ANKRD30B: variants seen among roughly 807,000 people sequenced by gnomAD.
ANKRD30B encodes the protein ankyrin repeat domain 30B.
A neutral mutation model predicts 202.2 loss-of-function variants in ANKRD30B; 144 were observed. The observed-to-expected ratio is 0.71, with a 90% confidence interval of 0.62 to 0.82. The LOEUF (loss-of-function observed/expected upper bound fraction) is 0.82, where lower values mean the gene tolerates loss of function less well. Ranked by LOEUF, ANKRD30B falls within the 40% of genes least tolerant of loss-of-function variation. The probability of loss-of-function intolerance (pLI) is 0.00; values close to 1 mark genes in which losing one functional copy is unlikely to be tolerated. For synonymous variants in ANKRD30B, 508 were observed against 561.3 expected (o/e 0.91, Z 1.34); for missense variants, 1,487 against 1,669.1 (o/e 0.89, Z 1.90).
chr18:14,767,441 T>C (rs1200560455), intron 7 of ANKRD30B, among the ~76,000 whole-genome samples: 1 of 152,198 alleles, frequency 6.6e-6, no homozygotes, highest in Non-Finnish European at 1.5e-5. Context: ...TAATAATACA[T>C]TGTAATCAAA....
the ANKRD30B span, among the ~76,000 whole-genome samples, chr18:14,911,382 T>A: frequency 6.6e-6 from 1 of 152,166 alleles, no homozygotes; most frequent in African/African-American, 2.4e-5. Flanking sequence ...GAATACAGTG[T>A]CTTTTCTCCA....
intron 16 of ANKRD30B, among the ~76,000 whole-genome samples, chr18:14,795,233 G>C (rs1468315779): frequency 4.6e-5 from 7 of 152,208 alleles, no homozygotes; most frequent in African/African-American, 1.7e-4. Context: ...GTCTCGCTCT[G>C]TCATCCAGGC....
rs538617286 is a variant in ANKRD30B at position 14,797,891 on chromosome 18, G to A, written c.2029+37G>A. 2.1e-5 allele frequency: 31 copies of A among 1,504,208 alleles called. 1 individual carries two copies. In the South Asian group the frequency reaches 3.6e-4, roughly 18 times the overall value. 93.2% of individuals were successfully genotyped at this position (1,504,208 alleles called of 1,614,324 possible). The stretch of plus-strand genomic sequence containing the variant: ...AATTTAAATTTTAATCTGGAATTAA[G>A]AATATTAAACTATTTGAAATGCCAA... On this transcript the variant is annotated intron_variant, in intron 20 of 43. Transcript: ENST00000690538.
At chr18:14,915,661 T>A in the ANKRD30B span, 1 of 151,860 alleles carries the variant, frequency 6.6e-6, no homozygotes, top group East Asian at 1.9e-4. Context: ...AAGGGTCAAG[T>A]CACTCCTGAG....
the ANKRD30B span, among the ~76,000 whole-genome samples, chr18:14,899,527 G>T: frequency 6.6e-6 from 1 of 151,982 alleles, no homozygotes; most frequent in Non-Finnish European, 1.5e-5. Flanking sequence ...TCTTCTATTT[G>T]CAAATAGTGC....
At position 14,748,352 on chromosome 18, in the gene ANKRD30B, G is replaced by A; in HGVS notation, c.-68G>A. The stretch of plus-strand genomic sequence containing the variant: ...TGGGGAAGGGTAAGCGGGAAGCGAG[G>A]GCGAGGGGTAGGGGCTGGGGAAGGG... On this transcript the variant is annotated 5_prime_UTR_variant, in exon 1 of 44. Coordinates refer to ENST00000690538, the MANE Select transcript of ANKRD30B (RefSeq NM_001367607.2). 7.6e-7 allele frequency: 1 copy of A among 1,317,982 alleles called. No individual in the cohort carries two copies. The highest frequency in any genetic ancestry group is 1.0e-6 in the Non-Finnish European group (1 of 1,000,136). The allele number at this position is 1,317,982 out of a possible 1,614,324, so 81.6% of individuals were successfully genotyped here.
the ANKRD30B span, among the ~76,000 whole-genome samples, chr18:14,926,846 G>A: frequency 6.6e-6 from 1 of 152,090 alleles, no homozygotes; most frequent in African/African-American, 2.4e-5. Context: ...AGGATTTCTT[G>A]AGCCCAGGAG....
At position 14,796,116 on chromosome 18, in the gene ANKRD30B, T is replaced by C. The variant is rs1273949561; in HGVS notation, c.1826-105T>C. On this transcript the variant is annotated intron_variant, in intron 16 of 43. Transcript: ENST00000690538. The stretch of plus-strand genomic sequence containing the variant: ...CCCCAAAACCTAGTGTAATCCCTTT[T>C]CAATCCAAGCATGAGGATTCATCTT... 3.2e-6 allele frequency: 4 copies of C among 1,262,182 alleles called. No individual in the cohort carries two copies. In the African/African-American group the frequency reaches 4.5e-5, roughly 14 times the overall value. 78.2% of individuals were successfully genotyped at this position (1,262,182 alleles called of 1,614,324 possible).
At chr18:14,911,846 C>T in the ANKRD30B span, among the ~76,000 whole-genome samples, 1 of 152,006 alleles carries the variant, frequency 6.6e-6, no homozygotes, top group Non-Finnish European at 1.5e-5. Context: ...CACTTCTTTG[C>T]TTACATTTAT....
At chr18:14,831,582 A>G (rs1409311237) in intron 34 of ANKRD30B, 127 bp downstream of exon 34, 1 of 530,936 alleles carries the variant, frequency 1.9e-6, no homozygotes, top group Non-Finnish European at 3.3e-6. Flanking sequence ...TTGGTCACAT[A>G]AAAACATTTT....
In ANKRD30B at chr18:14,853,059, C is replaced by A. The variant is rs946282079; in HGVS notation, c.4476+639C>A. Among the ~76,000 whole-genome samples, 14 of 151,976 alleles carry A rather than the reference C, an allele frequency of 9.2e-5. No individual in the cohort carries two copies. The South Asian group carries it at 1.2e-3, about 13-fold the overall frequency. On this transcript the variant is annotated intron_variant, in intron 42 of 43. Coordinates refer to ENST00000690538, the MANE Select transcript of ANKRD30B (RefSeq NM_001367607.2). ...TGTTTTGTTAAATAATACCTTAGGA[C>A]AAATGTAGTGGATTTTAGCAATATC...
At chr18:14,925,926 G>A in the ANKRD30B span, among the ~76,000 whole-genome samples, 1 of 152,150 alleles carries the variant, frequency 6.6e-6, no homozygotes, top group Admixed American at 6.5e-5. Context: ...CCACAGAGGG[G>A]GCGTTTGCAC....
At chr18:14,903,062 A>C in the ANKRD30B span, among the ~76,000 whole-genome samples, 3 of 152,156 alleles carry the variant, frequency 2.0e-5, no homozygotes, top group African/African-American at 7.2e-5. Context: ...GGAGAGCTGC[A>C]CTCCTTCTGG....
chr18:14,782,524 C>CAG lies in ANKRD30B; in HGVS notation c.1483_1484dup, dbSNP rs544377074. ...AATTATCTATTGATACTACTTTTAACAGAGTCTCTTTGAGAGTTCTGCAAA... is the reference window on the plus strand; with the variant it reads ...AATTATCTATTGATACTACTTTTAACAGAGAGTCTCTTTGAGAGTTCTGCAAA... On this transcript the variant is annotated splice_polypyrimidine_tract_variant and splice_region_variant and intron_variant, in intron 11 of 43. Transcript: ENST00000690538. 18 of 1,555,324 alleles carry CAG rather than the reference C, an allele frequency of 1.2e-5. No homozygotes were observed. The African/African-American group carries it at 1.7e-4, about 14-fold the overall frequency.
chr18:14,917,480 G>A, the ANKRD30B span, among the ~76,000 whole-genome samples: 11 of 152,106 alleles, frequency 7.2e-5, no homozygotes, highest in South Asian at 6.2e-4. Flanking sequence ...CTGCAGACAC[G>A]GGGTCTGGCC....
At chr18:14,883,275 C>T in the ANKRD30B span, among the ~76,000 whole-genome samples, 1 of 151,358 alleles carries the variant, frequency 6.6e-6, no homozygotes, top group Non-Finnish European at 1.5e-5. Flanking sequence ...CATGGGCCAC[C>T]TGTCATATAC....
At chr18:14,821,820 G>A (rs1005102432) in intron 30 of ANKRD30B, among the ~76,000 whole-genome samples, 8 of 152,170 alleles carry the variant, frequency 5.3e-5, no homozygotes, top group African/African-American at 1.9e-4. Flanking sequence ...GAAATTTTAA[G>A]AAGACTAAAC....
chr18:14,858,033 T>C (rs1244115861), downstream of ANKRD30B, among the ~76,000 whole-genome samples: 4 of 71,388 alleles, frequency 5.6e-5, no homozygotes, highest in Admixed American at 2.3e-4. Context: ...CGCTCTTCAC[T>C]TCCCAGAGGG....
At chr18:14,773,317 G>A (rs1421993400) in intron 9 of ANKRD30B, among the ~76,000 whole-genome samples, 1 of 151,948 alleles carries the variant, frequency 6.6e-6, no homozygotes, top group Non-Finnish European at 1.5e-5. Context: ...AAACATACGT[G>A]TGTGCATCCT....
Sources: gnomAD v4.1 joint callset for allele counts (sites outside exome capture counted in the v4.1 genomes callset) on GRCh38, gnomAD v4.1.1 for gene constraint, MANE v1.5 for transcripts, NCBI Gene and HGNC (gene_info 2026-07-23, HGNC 2026-07-21) for gene names.